The following GNAS variants were observed in gnomAD, a reference collection of about 807,000 sequenced individuals.
The protein encoded by GNAS is GNAS complex locus, also known as protein ALEX.
In GNAS, 8 loss-of-function variants were observed where a neutral mutation model predicts 54.5. The observed-to-expected ratio is 0.15, with a 90% CI of 0.09 to 0.26. The LOEUF (loss-of-function observed/expected upper bound fraction) is 0.26. GNAS is among the 10% of genes least tolerant of loss of function. The pLI is 1.00. For missense variants in GNAS, 170 were observed against 529.8 expected, an observed-to-expected ratio of 0.32 and a Z score of 6.67; for synonymous variants, 204 against 191.4, an observed-to-expected ratio of 1.07 and a Z score of -0.54.
chr20:58,839,835 G>A (rs577379485), upstream of GNAS: 340 of 594,222 alleles, frequency 5.7e-4, 3 homozygotes, highest in African/African-American at 5.8e-3. Flanking sequence ...TCAGCGAGAG[G>A]AGCCCGGGAG....
At chr20:58,868,022 CTT>C (rs370255144) in intron 1 of GNAS, among the ~76,000 whole-genome samples, 21 of 132,558 alleles carry the variant, frequency 1.6e-4, no homozygotes, top group Non-Finnish European at 2.1e-4. Context: ...TTCTTTCTTT[CTT>C]TTTTTTTTTT....
chr20:58,892,289 C>A (rs1056429180), intron 1 of GNAS: 6 of 579,324 alleles, frequency 1.0e-5, no homozygotes, highest in Non-Finnish European at 1.3e-5. Flanking sequence ...GACAGGAAAC[C>A]GGGTGGCGGG....
At chr20:58,885,913 T>A (rs2088560060) in intron 1 of GNAS, among the ~76,000 whole-genome samples, 1 of 152,260 alleles carries the variant, frequency 6.6e-6, no homozygotes, top group South Asian at 2.1e-4. Flanking sequence ...ACCTATTTAT[T>A]GTTTCCTAGG....
Position 58,841,787 on chromosome 20 carries a change from T to A in GNAS, c.43+901T>A. ...CAAGCTTTTGGCGCAGCTGGTCGGGTGGCCAGGCTGCATGCGGCTTAGCAG... is the reference window on the plus strand; with the variant it reads ...CAAGCTTTTGGCGCAGCTGGTCGGGAGGCCAGGCTGCATGCGGCTTAGCAG... On this transcript the variant is annotated intron_variant, in intron 1 of 12. Transcript: ENST00000306090. This position sits in a 1 kb window ranked among gnomAD's most constrained non-coding sequence, Gnocchi z 5.0. 8.1e-7 allele frequency: 1 copy of A among 1,230,592 alleles called. No individual in the cohort carries two copies. Among genetic ancestry groups the A allele is most frequent in the Non-Finnish European group, 1.0e-6 (1 of 987,802 alleles). The allele number at this position is 1,230,592 out of a possible 1,614,324, so 76.2% of individuals were successfully genotyped here. A position where few individuals can be genotyped will look rare whatever the true frequency, so the allele number is the denominator to read the frequency against.
In GNAS at chr20:58,910,929, A is replaced by G; in HGVS notation, c.*100A>G. The G allele has an allele frequency of 1.7e-6, 2 of 1,191,106 alleles. No homozygotes were observed. The highest frequency in any genetic ancestry group is 2.3e-5 in the East Asian group (1 of 42,580). The allele number at this position is 1,191,106 out of a possible 1,614,324, so 73.8% of individuals were successfully genotyped here. ...AATCACCCACCATAGGGCATGATTAACAAAGCAACCTTTCCCTTCCCCCGA... is the reference window on the plus strand; with the variant it reads ...AATCACCCACCATAGGGCATGATTAGCAAAGCAACCTTTCCCTTCCCCCGA... On this transcript the variant is annotated 3_prime_UTR_variant, in exon 13 of 13. Coordinates refer to ENST00000371085, the MANE Select transcript of GNAS (RefSeq NM_000516.7). This position sits in a 1 kb window ranked among gnomAD's most constrained non-coding sequence, Gnocchi z 5.8.
chr20:58,908,619 A>G (rs974840520), intron 6 of GNAS, among the ~76,000 whole-genome samples: 43 of 152,070 alleles, frequency 2.8e-4, no homozygotes. Context: ...ACAATTTTCA[A>G]ACTGTTTGCC....
chr20:58,879,951 T>G (rs1250918042), intron 1 of GNAS, among the ~76,000 whole-genome samples: 1 of 152,058 alleles, frequency 6.6e-6, no homozygotes, highest in African/African-American at 2.4e-5. Context: ...AAAGAAAAAA[T>G]TTCCATGATT....
At chr20:58,882,675 C>CTG (rs2088317959) in intron 1 of GNAS, among the ~76,000 whole-genome samples, 2 of 152,282 alleles carry the variant, frequency 1.3e-5, no homozygotes, top group Middle Eastern at 3.4e-3. Context: ...CAAGCTGCTA[C>CTG]TGTTCACCTA....
chr20:58,887,496 T>C (rs1443088948), upstream of GNAS, among the ~76,000 whole-genome samples: 1 of 152,240 alleles, frequency 6.6e-6, no homozygotes, highest in African/African-American at 2.4e-5. Flanking sequence ...CTAGGAATCA[T>C]CGATTCTGAG....
chr20:58,855,995 G>A, intron 1 of GNAS: 1 of 257,370 alleles, frequency 3.9e-6, no homozygotes, highest in Non-Finnish European at 7.5e-6. Flanking sequence ...GCGCTCTGCG[G>A]CAAGCGGTGC....
rs1446835451 is a variant in GNAS at position 58,853,995 on chromosome 20, C to T, written c.43+13109C>T. 1.2e-6 allele frequency: 2 copies of T among 1,611,832 alleles called. No individual in the cohort carries two copies. Among genetic ancestry groups the T allele is most frequent in the East Asian group, 2.2e-5 (1 of 44,852 alleles). On this transcript the variant is annotated intron_variant, in intron 1 of 12. Transcript: ENST00000306090. The surrounding 1 kb of genome is among the most constrained non-coding windows in gnomAD (Gnocchi z 4.4). Reference sequence around the variant, plus strand: ...CGACAGCCCACCCCCGGGGCTTTCCCGAGTTATCGCACAAGTCGACGGCAG... The same window carrying T: ...CGACAGCCCACCCCCGGGGCTTTCCTGAGTTATCGCACAAGTCGACGGCAG...
At chr20:58,887,992 T>C (rs991195561), upstream of GNAS, among the ~76,000 whole-genome samples, 1 of 152,228 alleles carries the variant, frequency 6.6e-6, no homozygotes, top group African/African-American at 2.4e-5. Flanking sequence ...AGTGTCTTTT[T>C]ATTTTCAAAG....
chr20:58,858,640 G>A (rs1029869763), intron 1 of GNAS, among the ~76,000 whole-genome samples: 7 of 152,162 alleles, frequency 4.6e-5, no homozygotes, highest in African/African-American at 1.7e-4. Context: ...AAATTGTGTA[G>A]GCAAATGCTA....
chr20:58,910,923 T>C lies in GNAS; in HGVS notation c.*94T>C. On this transcript the variant is annotated 3_prime_UTR_variant, in exon 13 of 13. Transcript: ENST00000371085. This position sits in a 1 kb window ranked among gnomAD's most constrained non-coding sequence, Gnocchi z 5.8. ...GCAGTTAATCACCCACCATAGGGCA[T>C]GATTAACAAAGCAACCTTTCCCTTC... 7.9e-7 allele frequency: 1 copy of C among 1,257,864 alleles called. No individual in the cohort carries two copies. The highest frequency in any genetic ancestry group is 1.5e-5 in the African/African-American group (1 of 68,444). The allele number at this position is 1,257,864 out of a possible 1,614,324, so 77.9% of individuals were successfully genotyped here.
chr20:58,895,547 A>T, intron 1 of GNAS, 65 bp from the exon 2 acceptor site: 1 of 946,510 alleles, frequency 1.1e-6, no homozygotes, highest in Non-Finnish European at 1.7e-6. Flanking sequence ...CAACAACAGC[A>T]GACCTCCCTG....
At chr20:58,902,191 C>T (rs1178323750) in intron 3 of GNAS, among the ~76,000 whole-genome samples, 4 of 152,166 alleles carry the variant, frequency 2.6e-5, no homozygotes, top group Non-Finnish European at 4.4e-5. Context: ...CGCATGACAA[C>T]GCCCTCACCT....
intron 1 of GNAS, among the ~76,000 whole-genome samples, chr20:58,866,810 T>G (rs1295712413): frequency 6.6e-6 from 1 of 151,992 alleles, no homozygotes; most frequent in Non-Finnish European, 1.5e-5. Context: ...AGTTTCAAAT[T>G]TATGACCTCT....
intron 1 of GNAS, among the ~76,000 whole-genome samples, chr20:58,860,521 A>G (rs536495064): frequency 3.8e-4 from 58 of 152,270 alleles, no homozygotes; most frequent in Non-Finnish European, 4.4e-5. Flanking sequence ...TGATCTTATC[A>G]AAATAACTCT....
intron 1 of GNAS, among the ~76,000 whole-genome samples, chr20:58,872,463 A>T (rs1322850173): frequency 6.6e-6 from 1 of 152,196 alleles, no homozygotes; most frequent in Admixed American, 6.5e-5. Context: ...GATGTTGGGG[A>T]AACCTTTGAA....
Sources: gnomAD v4.1 joint callset for allele counts (sites outside exome capture counted in the v4.1 genomes callset) on GRCh38, gnomAD v4.1.1 for gene constraint, Gnocchi (gnomAD v3.1) non-coding constraint, MANE v1.5 for transcripts, NCBI Gene and HGNC (gene_info 2026-07-23, HGNC 2026-07-21) for gene names.